ARID1B: variants seen among roughly 807,000 people sequenced by gnomAD.
The protein encoded by ARID1B is AT-rich interactive domain-containing protein 1B.
ARID1B carries 30 observed loss-of-function variants against 212.3 expected under a neutral mutation model. The ratio of observed to expected loss-of-function variants is 0.14; its 90% confidence interval spans 0.11 to 0.19. ARID1B has a LOEUF of 0.19. Ranked by LOEUF, ARID1B falls within the 10% of genes least tolerant of loss-of-function variation. The pLI, the probability that ARID1B is intolerant of heterozygous loss-of-function variation, is 1.00. For synonymous variants in ARID1B, 1,402 were observed against 1,301.7 expected (o/e 1.08, Z -1.66); for missense variants, 2,891 against 3,204.0 (o/e 0.90, Z 2.36).
Position 156,808,959 on chromosome 6 carries a change from TAATC to T in ARID1B, c.1792-20265_1792-20262del, listed in dbSNP as rs1177346276. Among the ~76,000 whole-genome samples the T allele has an allele frequency of 1.1e-4, 16 of 152,362 alleles. No homozygotes were observed. In the South Asian group the frequency reaches 2.5e-3, roughly 24 times the overall value. ...TTATCTGTGTGACTCTAATTAAAGT[TAATC>T]AAAGTCACATGGCTTAGCAAATCAC... On this transcript the variant is annotated intron_variant, in intron 1 of 19. Coordinates refer to ENST00000636930, the MANE Select transcript of ARID1B (RefSeq NM_001374828.1).
At chr6:157,188,583 C>T (rs562829751) in intron 13 of ARID1B, among the ~76,000 whole-genome samples, 3 of 152,124 alleles carry the variant, frequency 2.0e-5, no homozygotes, top group East Asian at 1.9e-4. Flanking sequence ...ACATGGAAAA[C>T]GTTATTCACA....
chr6:156,866,722 C>A (rs1237251598), intron 2 of ARID1B, among the ~76,000 whole-genome samples: 1 of 152,010 alleles, frequency 6.6e-6, no homozygotes, highest in Non-Finnish European at 1.5e-5. Flanking sequence ...TTTATAAATA[C>A]CTTTGTAATT....
intron 4 of ARID1B, chr6:156,942,231 T>A (rs1792729068): frequency 6.6e-6 from 1 of 152,126 alleles, no homozygotes; most frequent in African/African-American, 2.4e-5. Context: ...AGGATATTGG[T>A]TTTGATAATA....
chr6:157,198,002 A>G (rs1747877372), intron 16 of ARID1B, among the ~76,000 whole-genome samples: 1 of 152,236 alleles, frequency 6.6e-6, no homozygotes, highest in Non-Finnish European at 1.5e-5. Context: ...CAGCTTAGGA[A>G]TATATTCAGT....
At chr6:156,804,291 G>GT (rs1487270414) in intron 1 of ARID1B, among the ~76,000 whole-genome samples, 1 of 150,250 alleles carries the variant, frequency 6.7e-6, no homozygotes, top group Non-Finnish European at 1.5e-5. Context: ...AACTGAGATT[G>GT]CACCACTGCA....
At chr6:156,924,776 G>A (rs1490522912) in intron 3 of ARID1B, among the ~76,000 whole-genome samples, 1 of 152,138 alleles carries the variant, frequency 6.6e-6, no homozygotes, top group Non-Finnish European at 1.5e-5. Context: ...ATTCTTGGAT[G>A]TTGTATAGAT....
chr6:156,915,896 C>CAAAA (rs201509884), intron 3 of ARID1B, among the ~76,000 whole-genome samples: 52 of 132,512 alleles, frequency 3.9e-4, no homozygotes, highest in African/African-American at 1.4e-3. Context: ...GACTCCGTCT[C>CAAAA]AAAAAAAAAA....
chr6:156,846,513 A>G (rs1261169660), intron 2 of ARID1B, among the ~76,000 whole-genome samples: 1 of 151,976 alleles, frequency 6.6e-6, no homozygotes, highest in African/African-American at 2.4e-5. Flanking sequence ...GCACATCTGT[A>G]ACAGCCAGTT....
intron 7 of ARID1B, among the ~76,000 whole-genome samples, chr6:157,134,650 G>A (rs1788794561): frequency 1.3e-5 from 2 of 152,334 alleles, no homozygotes; most frequent in African/African-American, 4.8e-5. Flanking sequence ...ACATGTAGCA[G>A]TTTGTTGCAG....
chr6:157,039,863 T>TTTTC (rs1781729931), intron 4 of ARID1B, among the ~76,000 whole-genome samples: 3 of 118,938 alleles, frequency 2.5e-5, no homozygotes, highest in Non-Finnish European at 3.7e-5. Context: ...TCTCTTTCTC[T>TTTTC]CTCTTTCTCT....
At chr6:156,891,968 T>G (rs906731217) in intron 2 of ARID1B, among the ~76,000 whole-genome samples, 1 of 151,066 alleles carries the variant, frequency 6.6e-6, no homozygotes, top group Non-Finnish European at 1.5e-5. Context: ...GCCTCTCCGG[T>G]TCAAGCGATT....
chr6:156,919,984 C>T (rs1383131157), intron 3 of ARID1B, among the ~76,000 whole-genome samples: 2 of 152,262 alleles, frequency 1.3e-5, no homozygotes, highest in South Asian at 4.1e-4. Flanking sequence ...TGATCCCTCT[C>T]TCCCGCCAGA....
At position 156,945,065 on chromosome 6, in the gene ARID1B, G is replaced by A. The variant is rs538648646; in HGVS notation, c.2247+9489G>A. ...AGCCTCCCGAGTAGCTGGGACTACA[G>A]GCACTTGCCACCAAGTCGGGCTAAT... On this transcript the variant is annotated intron_variant, in intron 4 of 19. Coordinates refer to ENST00000636930, the MANE Select transcript of ARID1B (RefSeq NM_001374828.1). 2.1e-3 allele frequency among the ~76,000 whole-genome samples: 307 copies of A among 149,364 alleles called. 1 individual carries two copies. The highest frequency in any genetic ancestry group is 2.9e-3 in the Non-Finnish European group (193 of 67,454).
At chr6:156,799,248 T>C (rs906322921) in intron 1 of ARID1B, among the ~76,000 whole-genome samples, 1 of 152,178 alleles carries the variant, frequency 6.6e-6, no homozygotes, top group Admixed American at 6.5e-5. Flanking sequence ...TCTATATGCA[T>C]TTTCTGTGAG....
chr6:157,002,349 G>A (rs1562540290), intron 4 of ARID1B, among the ~76,000 whole-genome samples: 1 of 152,154 alleles, frequency 6.6e-6, no homozygotes, highest in Non-Finnish European at 1.5e-5. Context: ...TCTGCTTACT[G>A]TTTTAGTTTG....
At position 157,021,833 on chromosome 6, in the gene ARID1B, G is replaced by A. The variant is rs1780309678; in HGVS notation, c.2248-62829G>A. Among the ~76,000 whole-genome samples the A allele has an allele frequency of 2.0e-5, 3 of 152,066 alleles. No homozygotes were observed. The South Asian group carries it at 6.2e-4, about 32-fold the overall frequency. ...GCTTCGCGTACACATGAGCCGGCGC[G>A]GCCAGACTCACGCAGGCACCGAGTG... On this transcript the variant is annotated intron_variant, in intron 4 of 19. Coordinates refer to ENST00000636930, the MANE Select transcript of ARID1B (RefSeq NM_001374828.1).
Position 156,989,744 on chromosome 6 carries a change from T to A in ARID1B, c.2247+54168T>A, listed in dbSNP as rs142237940. Among the ~76,000 whole-genome samples the A allele has an allele frequency of 7.2e-5, 11 of 152,324 alleles. No homozygotes were observed. In the South Asian group the frequency reaches 2.1e-3, roughly 29 times the overall value. On this transcript the variant is annotated intron_variant, in intron 4 of 19. Transcript: ENST00000636930. ...TAGCAATGTTTGCTGATTTATTAAG[T>A]GTACATCCAATAAATGCCTTGTCAA...
intron 4 of ARID1B, among the ~76,000 whole-genome samples, chr6:156,966,370 A>ACTTTT (rs751075039): frequency 1.7e-4 from 23 of 138,410 alleles, no homozygotes; most frequent in African/African-American, 2.3e-4. Flanking sequence ...GACATAAATA[A>ACTTTT]CTTTTCTTTT....
At chr6:157,102,394 C>G (rs1225513884) in intron 5 of ARID1B, among the ~76,000 whole-genome samples, 1 of 152,154 alleles carries the variant, frequency 6.6e-6, no homozygotes, top group African/African-American at 2.4e-5. Context: ...CCATTTAAGT[C>G]TTAGACTTTT....
Sources: allele counts gnomAD v4.1 joint callset (sites outside exome capture counted in the v4.1 genomes callset), GRCh38; gene constraint gnomAD v4.1.1; transcripts MANE v1.5; gene names NCBI Gene and HGNC (gene_info 2026-07-23, HGNC 2026-07-21).